Variants in NKAIN2 observed in about 807,000 individuals in gnomAD.
The protein encoded by NKAIN2 is sodium/potassium-transporting ATPase subunit beta-1-interacting protein 2.
Under a neutral mutation model 32.6 loss-of-function variants are expected in NKAIN2, and 14 were observed. The ratio of observed to expected loss-of-function variants is 0.43; its 90% CI spans 0.28 to 0.67. The LOEUF (loss-of-function observed/expected upper bound fraction) is 0.67. Ranked by LOEUF, NKAIN2 falls within the 30% of genes least tolerant of loss-of-function variation. The pLI is 0.17. For synonymous variants in NKAIN2, 80 were observed against 87.2 expected (o/e 0.92, Z 0.46); for missense variants, 198 against 258.3 (o/e 0.77, Z 1.60).
chr6:123,885,496 A>G (rs1245590357), intron 1 of NKAIN2, among the ~76,000 whole-genome samples: 1 of 152,092 alleles, frequency 6.6e-6, no homozygotes, highest in East Asian at 1.9e-4. Context: ...GTTTCCTTAA[A>G]AATTTTTATA....
chr6:124,047,634 C>T (rs1782207133), intron 1 of NKAIN2, among the ~76,000 whole-genome samples: 1 of 151,940 alleles, frequency 6.6e-6, no homozygotes. Context: ...CATCCACCTC[C>T]AAAGACTCAG....
At chr6:124,412,831 G>T (rs74882784) in intron 3 of NKAIN2, among the ~76,000 whole-genome samples, 2 of 152,186 alleles carry the variant, frequency 1.3e-5, no homozygotes, top group African/African-American at 4.8e-5. Context: ...CCCAGTTCGA[G>T]CTTCCTGGCT....
chr6:124,506,805 C>A (rs1037516536), intron 3 of NKAIN2, among the ~76,000 whole-genome samples: 2 of 152,162 alleles, frequency 1.3e-5, no homozygotes, highest in Admixed American at 6.5e-5. Context: ...ATAACTTGAG[C>A]CTTTGCAAGG....
At chr6:124,683,747 A>C (rs1025800066) in intron 4 of NKAIN2, among the ~76,000 whole-genome samples, 2 of 152,180 alleles carry the variant, frequency 1.3e-5, no homozygotes, top group African/African-American at 4.8e-5. Context: ...CATTGGCTTC[A>C]AATGCAGAGA....
At chr6:124,422,640 A>G (rs941335869) in intron 3 of NKAIN2, among the ~76,000 whole-genome samples, 4 of 152,280 alleles carry the variant, frequency 2.6e-5, no homozygotes, top group African/African-American at 9.6e-5. Context: ...TTTGCCTGAA[A>G]AGAAAAACAA....
intron 1 of NKAIN2, among the ~76,000 whole-genome samples, chr6:124,085,698 A>T (rs1784164238): frequency 6.6e-6 from 1 of 151,956 alleles, no homozygotes. Context: ...GATGCTTCTG[A>T]TACATAAGTG....
intron 3 of NKAIN2, among the ~76,000 whole-genome samples, chr6:124,559,703 T>C (rs886874988): frequency 1.3e-5 from 2 of 152,090 alleles, no homozygotes; most frequent in South Asian, 4.1e-4. Flanking sequence ...TTTTCCTCCT[T>C]CTATCATGCC....
intron 1 of NKAIN2, among the ~76,000 whole-genome samples, chr6:124,059,411 T>C (rs1002270281): frequency 6.6e-6 from 1 of 152,096 alleles, no homozygotes; most frequent in South Asian, 2.1e-4. Context: ...CCTGTAATGC[T>C]CTTAACAGAC....
chr6:124,393,718 G>A (rs956185406), intron 3 of NKAIN2, among the ~76,000 whole-genome samples: 1 of 152,134 alleles, frequency 6.6e-6, no homozygotes, highest in African/African-American at 2.4e-5. Context: ...GCTACTGTCA[G>A]TTCCACCCTG....
intron 1 of NKAIN2, among the ~76,000 whole-genome samples, chr6:123,914,819 AAAAGCAAAGTTAC>A (rs757124880): frequency 6.6e-6 from 1 of 152,194 alleles, no homozygotes; most frequent in Non-Finnish European, 1.5e-5. Flanking sequence ...TTTTCTACTT[AAAAGCAAAGTTAC>A]AAAGCCTGTG....
At chr6:124,055,897 G>C (rs1026941624) in intron 1 of NKAIN2, among the ~76,000 whole-genome samples, 5 of 152,086 alleles carry the variant, frequency 3.3e-5, no homozygotes, top group African/African-American at 1.2e-4. Context: ...ACCAGATGTG[G>C]TGAGATTTAA....
At chr6:123,839,227 CAA>C (rs1200980541) in intron 1 of NKAIN2, among the ~76,000 whole-genome samples, 2,137 of 95,738 alleles carry the variant, frequency 0.022, 52 homozygotes, top group African/African-American at 0.066. Context: ...CTAAACACTC[CAA>C]AAAAAAAAAA....
chr6:124,669,606 T>C (rs1208684668), intron 4 of NKAIN2, among the ~76,000 whole-genome samples: 1 of 152,022 alleles, frequency 6.6e-6, no homozygotes, highest in Non-Finnish European at 1.5e-5. Flanking sequence ...CAGGCCAGCA[T>C]TATCTGGAGC....
intron 3 of NKAIN2, among the ~76,000 whole-genome samples, chr6:124,488,896 G>A (rs1303587655): frequency 3.3e-5 from 5 of 151,786 alleles, no homozygotes; most frequent in South Asian, 2.1e-4. Context: ...TTAGAAGGAG[G>A]TGCTTTTTGA....
intron 1 of NKAIN2, among the ~76,000 whole-genome samples, chr6:124,005,860 G>A (rs1222210953): frequency 6.6e-6 from 1 of 152,044 alleles, no homozygotes; most frequent in Non-Finnish European, 1.5e-5. Flanking sequence ...CACTAACCTT[G>A]TCAATTCCCC....
chr6:124,096,513 A>T (rs1241983269), intron 1 of NKAIN2, among the ~76,000 whole-genome samples: 2 of 152,070 alleles, frequency 1.3e-5, no homozygotes, highest in Non-Finnish European at 2.9e-5. Context: ...AATCCTTCTT[A>T]TCGTTTTCTG....
chr6:124,464,310 A>G (rs959014414), intron 3 of NKAIN2, among the ~76,000 whole-genome samples: 2 of 152,120 alleles, frequency 1.3e-5, no homozygotes, highest in Non-Finnish European at 2.9e-5. Flanking sequence ...ATGGTTTCAG[A>G]GTCCTTAACG....
rs562461004 is a variant in NKAIN2 at position 124,682,287 on chromosome 6, T to C, written c.474+23901T>C. ...ACCAAATTTTAATGACTAGTTCCCA[T>C]TATAGGAAGGATGACCTTGTAGTCA... On this transcript the variant is annotated intron_variant, in intron 4 of 6. Coordinates refer to ENST00000368417, the MANE Select transcript of NKAIN2 (RefSeq NM_001040214.3). Among the ~76,000 whole-genome samples, 6 of 152,196 alleles carry C rather than the reference T, an allele frequency of 3.9e-5. No individual in the cohort carries two copies. In the South Asian group the frequency reaches 1.2e-3, roughly 32 times the overall value.
intron 1 of NKAIN2, among the ~76,000 whole-genome samples, chr6:124,078,211 A>C (rs1440858744): frequency 6.6e-6 from 1 of 152,124 alleles, no homozygotes; most frequent in Non-Finnish European, 1.5e-5. Flanking sequence ...TCCATATGTA[A>C]TGTAGTGTTT....
Sources: gnomAD v4.1 joint callset for allele counts (sites outside exome capture counted in the v4.1 genomes callset) on GRCh38, gnomAD v4.1.1 for gene constraint, MANE v1.5 for transcripts, NCBI Gene and HGNC (gene_info 2026-07-23, HGNC 2026-07-21) for gene names.